The following CELF2 variants were observed in gnomAD, a reference collection of about 807,000 sequenced individuals.
The protein encoded by CELF2 is CUGBP Elav-like family member 2.
A neutral mutation model predicts 62.6 loss-of-function variants in CELF2; 8 were observed. The observed-to-expected ratio is 0.13, with a 90% CI of 0.07 to 0.23. The LOEUF (loss-of-function observed/expected upper bound fraction) is 0.23, where lower values mean the gene tolerates loss of function less well. Ranked by LOEUF, CELF2 falls within the 10% of genes least tolerant of loss-of-function variation. CELF2 has a pLI of 1.00. For missense variants in CELF2, 333 were observed against 671.0 expected (o/e 0.50, Z 5.56); for synonymous variants, 258 against 250.0 (o/e 1.03, Z -0.30).
intron 2 of CELF2, chr10:10,966,828 G>C (rs1235800486): frequency 6.6e-6 from 1 of 152,200 alleles, no homozygotes; most frequent in Non-Finnish European, 1.5e-5. Flanking sequence ...CTCTATCATT[G>C]TGAGGTAAGG....
the CELF2 span, among the ~76,000 whole-genome samples, chr10:10,651,531 A>G: frequency 0.09 from 7,648 of 84,754 alleles, 231 homozygotes; most frequent in South Asian, 0.19. Flanking sequence ...TCTGAGAACC[A>G]GCAGACTGCC....
intron 1 of CELF2, among the ~76,000 whole-genome samples, chr10:10,858,958 T>C (rs1256625386): frequency 6.6e-6 from 1 of 152,178 alleles, no homozygotes; most frequent in Non-Finnish European, 1.5e-5. Flanking sequence ...CTTTATCTTT[T>C]GTACAATTTT....
the CELF2 span, among the ~76,000 whole-genome samples, chr10:10,598,522 T>C: frequency 6.6e-6 from 1 of 152,156 alleles, no homozygotes; most frequent in Non-Finnish European, 1.5e-5. Flanking sequence ...TCTGAACTCA[T>C]AGTGCATTGG....
At chr10:11,123,693 C>T (rs1373456662) in intron 1 of CELF2, among the ~76,000 whole-genome samples, 3 of 152,284 alleles carry the variant, frequency 2.0e-5, no homozygotes, top group African/African-American at 7.2e-5. Flanking sequence ...GCCTGCTACC[C>T]CCATCCTGCT....
chr10:11,095,218 G>A (rs2049474105), intron 1 of CELF2, among the ~76,000 whole-genome samples: 1 of 152,182 alleles, frequency 6.6e-6, no homozygotes, highest in South Asian at 2.1e-4. Flanking sequence ...GATGCTTTGA[G>A]ATTCTCTTTT....
chr10:11,249,800 G>A (rs7092011), intron 4 of CELF2, among the ~76,000 whole-genome samples: 8,038 of 152,254 alleles, frequency 0.053, 736 homozygotes, highest in African/African-American at 0.18. Flanking sequence ...TTGCCTATTC[G>A]AGACATGAGA....
chr10:10,474,896 C>T, the CELF2 span, among the ~76,000 whole-genome samples: 10 of 152,108 alleles, frequency 6.6e-5, no homozygotes, highest in Admixed American at 6.6e-5. Flanking sequence ...TAATGGGAAG[C>T]GGACAGACTT....
intron 2 of CELF2, chr10:11,169,312 A>G (rs1193310154): frequency 1.3e-5 from 2 of 152,244 alleles, no homozygotes; most frequent in Non-Finnish European, 2.9e-5. Context: ...ATGAGTAAGA[A>G]AGAGATGGGC....
chr10:10,875,260 A>G (rs984010382), intron 1 of CELF2, among the ~76,000 whole-genome samples: 8 of 152,258 alleles, frequency 5.3e-5, no homozygotes, highest in Admixed American at 2.6e-4. Flanking sequence ...TTAAAAATAC[A>G]AAATAAAATC....
intron 1 of CELF2, among the ~76,000 whole-genome samples, chr10:11,158,886 T>C (rs1287905209): frequency 6.6e-6 from 1 of 152,218 alleles, no homozygotes; most frequent in African/African-American, 2.4e-5. Context: ...AACAATGATG[T>C]CCTGTACATT....
chr10:10,562,368 C>G, the CELF2 span, among the ~76,000 whole-genome samples: 2 of 152,186 alleles, frequency 1.3e-5, no homozygotes, highest in Admixed American at 1.3e-4. Context: ...TAATCCTAAT[C>G]GCTTACATAT....
At chr10:11,240,893 C>T (rs1029886329) in intron 3 of CELF2, among the ~76,000 whole-genome samples, 6 of 152,250 alleles carry the variant, frequency 3.9e-5, no homozygotes, top group African/African-American at 9.6e-5. Context: ...ACATGACAGG[C>T]GGCGTGGGGT....
the CELF2 span, among the ~76,000 whole-genome samples, chr10:10,596,256 TAAA>T: frequency 5.4e-5 from 8 of 146,984 alleles, no homozygotes; most frequent in East Asian, 2.0e-4. Context: ...CTTCTACCTG[TAAA>T]AAAAAAAAAA....
At chr10:11,133,585 TAAAAAC>T (rs1378594007) in intron 1 of CELF2, among the ~76,000 whole-genome samples, 4 of 152,304 alleles carry the variant, frequency 2.6e-5, no homozygotes, top group South Asian at 4.1e-4. Context: ...CATCAATACT[TAAAAAC>T]AAAGGGGAAA....
At chr10:10,473,653 C>T in the CELF2 span, among the ~76,000 whole-genome samples, 4 of 152,096 alleles carry the variant, frequency 2.6e-5, no homozygotes, top group Non-Finnish European at 5.9e-5. Flanking sequence ...TTCGTTGAGT[C>T]ATTTGTTTCA....
At chr10:10,492,232 C>T in the CELF2 span, among the ~76,000 whole-genome samples, 4 of 152,292 alleles carry the variant, frequency 2.6e-5, no homozygotes, top group East Asian at 3.9e-4. Context: ...ATCTCTAATC[C>T]GTTTGCACAA....
the CELF2 span, among the ~76,000 whole-genome samples, chr10:10,759,991 C>T: frequency 1.2e-4 from 18 of 152,162 alleles, no homozygotes; most frequent in East Asian, 1.9e-4. Flanking sequence ...CTTCAACCTC[C>T]GCCTTCCAGT....
chr10:10,873,218 A>T (rs1423597870), intron 1 of CELF2, among the ~76,000 whole-genome samples: 1 of 152,128 alleles, frequency 6.6e-6, no homozygotes, highest in Non-Finnish European at 1.5e-5. Context: ...AAAATACAAA[A>T]TGTTATCATT....
At chr10:10,576,737 ATCT>A in the CELF2 span, among the ~76,000 whole-genome samples, 3 of 152,090 alleles carry the variant, frequency 2.0e-5, no homozygotes, top group Admixed American at 2.0e-4. Flanking sequence ...ATCCACTCTG[ATCT>A]TCTCTCATTC....
Sources: gnomAD v4.1 joint callset for allele counts (sites outside exome capture counted in the v4.1 genomes callset) on GRCh38, gnomAD v4.1.1 for gene constraint, MANE v1.5 for transcripts, NCBI Gene and HGNC (gene_info 2026-07-23, HGNC 2026-07-21) for gene names.